Variants in TBCE observed in about 807,000 individuals in gnomAD.
TBCE encodes the protein tubulin folding cofactor E, also known as tubulin-specific chaperone E.
Under a neutral mutation model 77.0 loss-of-function variants are expected in TBCE, and 53 were observed. The observed-to-expected ratio is 0.69, with a 90% CI of 0.55 to 0.87. The LOEUF is 0.87. Ranked by LOEUF, TBCE falls within the 40% of genes least tolerant of loss-of-function variation. The probability of loss-of-function intolerance (pLI) is 0.00; values close to 1 mark genes in which losing one functional copy is unlikely to be tolerated. For missense variants in TBCE, 624 were observed against 622.4 expected (o/e 1.00, Z -0.03); for synonymous variants, 235 against 241.3 (o/e 0.97, Z 0.24).
chr1:235,417,718 C>A (rs1281569749), intron 4 of TBCE, among the ~76,000 whole-genome samples: 1 of 152,074 alleles, frequency 6.6e-6, no homozygotes, highest in East Asian at 1.9e-4. Context: ...GACCCTCTAA[C>A]CTTGAATTCT....
At chr1:235,429,474 A>G (rs1188469908) in intron 6 of TBCE, 1 of 152,154 alleles carries the variant, frequency 6.6e-6, no homozygotes, top group Non-Finnish European at 1.5e-5. Context: ...GGGGGAGGTG[A>G]TATTTAATTG....
intron 4 of TBCE, chr1:235,416,143 TG>T (rs1680095119): frequency 8.4e-6 from 1 of 119,338 alleles, no homozygotes; most frequent in South Asian, 2.6e-4. Flanking sequence ...CACTCCAGCC[TG>T]GGTGACAGAA....
chr1:235,416,872 A>C (rs1680141724), intron 4 of TBCE, among the ~76,000 whole-genome samples: 1 of 152,240 alleles, frequency 6.6e-6, no homozygotes. Context: ...GGCTGGGTTC[A>C]GCCGCCAGCT....
chr1:235,442,949 A>C, intron 15 of TBCE, 38 bp downstream of exon 15: 1 of 1,605,930 alleles, frequency 6.2e-7, no homozygotes, highest in Non-Finnish European at 8.5e-7. Context: ...TAAACTCTGA[A>C]TCATCGGCCT....
intron 14 of TBCE, 30 bp downstream of exon 14, chr1:235,441,912 T>C: frequency 6.3e-7 from 1 of 1,591,132 alleles, no homozygotes; most frequent in Non-Finnish European, 8.6e-7. Context: ...ATAGTTTATT[T>C]GTATTTGAGT....
intron 5 of TBCE, among the ~76,000 whole-genome samples, chr1:235,425,939 GAGCACAGA>G (rs1316588824): frequency 2.0e-5 from 3 of 152,128 alleles, no homozygotes; most frequent in Non-Finnish European, 4.4e-5. Context: ...CTCTGTCCCT[GAGCACAGA>G]CAGGCCTGCC....
chr1:235,398,622 C>CTTT (rs543905164), intron 2 of TBCE, among the ~76,000 whole-genome samples: 4 of 133,390 alleles, frequency 3.0e-5, no homozygotes, highest in African/African-American at 1.1e-4. Context: ...GTGGTGTTTT[C>CTTT]TTTTTTTTTT....
At chr1:235,395,287 T>C (rs1678654150) in intron 2 of TBCE, among the ~76,000 whole-genome samples, 1 of 152,162 alleles carries the variant, frequency 6.6e-6, no homozygotes, top group African/African-American at 2.4e-5. Context: ...GATACAGGCA[T>C]ATAATACATA....
At chr1:235,435,151 A>G (rs1270690262) in intron 8 of TBCE, among the ~76,000 whole-genome samples, 1 of 151,712 alleles carries the variant, frequency 6.6e-6, no homozygotes, top group Non-Finnish European at 1.5e-5. Flanking sequence ...CCCAGGCTAG[A>G]GTGCAATGGC....
chr1:235,427,291 T>G, intron 6 of TBCE, 52 bp downstream of exon 6: 1 of 1,349,800 alleles, frequency 7.4e-7, no homozygotes. Flanking sequence ...TCATCTCTCC[T>G]TGCTTCCTCA....
intron 1 of TBCE, among the ~76,000 whole-genome samples, chr1:235,376,967 TA>T (rs938542267): frequency 1.3e-3 from 192 of 146,436 alleles, no homozygotes; most frequent in Middle Eastern, 3.6e-3. Context: ...CCGTCTCAAT[TA>T]AAAAAAAAAA....
At chr1:235,383,376 G>T (rs1006263512) in intron 2 of TBCE, among the ~76,000 whole-genome samples, 1 of 152,112 alleles carries the variant, frequency 6.6e-6, no homozygotes, top group African/African-American at 2.4e-5. Context: ...GCTTGATGGG[G>T]ATGGCATTGA....
intron 15 of TBCE, among the ~76,000 whole-genome samples, chr1:235,448,038 G>A (rs868320403): frequency 2.2e-4 from 33 of 152,034 alleles, no homozygotes; most frequent in South Asian, 6.3e-4. Flanking sequence ...GTGAAACCCC[G>A]TCTCTACTAA....
chr1:235,377,173 A>G (rs1260605637), intron 1 of TBCE, among the ~76,000 whole-genome samples: 8 of 152,050 alleles, frequency 5.3e-5, no homozygotes, highest in Non-Finnish European at 1.0e-4. Flanking sequence ...ATTGGGAAAA[A>G]TGATTTTTTT....
At chr1:235,401,160 T>A (rs1679078650) in intron 2 of TBCE, among the ~76,000 whole-genome samples, 1 of 152,226 alleles carries the variant, frequency 6.6e-6, no homozygotes. Flanking sequence ...TAGTAGTAAC[T>A]ACCCTAAGTA....
chr1:235,406,456 T>C (rs1679433340), intron 3 of TBCE, among the ~76,000 whole-genome samples: 1 of 152,254 alleles, frequency 6.6e-6, no homozygotes, highest in African/African-American at 2.4e-5. Flanking sequence ...GAAGCAAGAA[T>C]TGCAGTTCAG....
Position 235,450,405 on chromosome 1 carries a change from T to G in TBCE, c.*1643T>G, listed in dbSNP as rs376299531. ...ACTGTTTTAAGAGCATCAGAAAGTA[T>G]GCACGTAGACAGCTTTTATGTATTC... On this transcript the variant is annotated 3_prime_UTR_variant, in exon 17 of 17. Transcript: ENST00000642610. 1 of 1,548,722 alleles carries G rather than the reference T, an allele frequency of 6.5e-7. No individual in the cohort carries two copies. The highest frequency in any genetic ancestry group is 1.4e-5 in the African/African-American group (1 of 73,468).
intron 5 of TBCE, among the ~76,000 whole-genome samples, chr1:235,425,823 C>T (rs1402404255): frequency 1.3e-5 from 2 of 152,108 alleles, no homozygotes; most frequent in Non-Finnish European, 2.9e-5. Flanking sequence ...TCCCAGATGG[C>T]GTTCCCCCAT....
rs1314734591 is a variant in TBCE at position 235,447,786 on chromosome 1, A to G, written c.1400-563A>G. Among the ~76,000 whole-genome samples, 5 of 152,262 alleles carry G rather than the reference A, an allele frequency of 3.3e-5. No homozygotes were observed. The East Asian group carries it at 9.6e-4, about 29-fold the overall frequency. ...GATTAAGAAAGAAATACACTACTGA[A>G]ATGGTATGAAACTCACTGTCAAAGG... On this transcript the variant is annotated intron_variant, in intron 15 of 16. Coordinates refer to ENST00000642610, the MANE Select transcript of TBCE (RefSeq NM_003193.5).
Sources: gnomAD v4.1 joint callset for allele counts (sites outside exome capture counted in the v4.1 genomes callset) on GRCh38, gnomAD v4.1.1 for gene constraint, MANE v1.5 for transcripts, NCBI Gene and HGNC (gene_info 2026-07-23, HGNC 2026-07-21) for gene names.